The following DENND2B variants were observed in gnomAD, a reference collection of about 807,000 sequenced individuals.
DENND2B encodes the protein DENN domain-containing protein 2B.
DENND2B carries 32 observed loss-of-function variants against 116.0 expected under a neutral mutation model. That is an observed-to-expected ratio of 0.28 (90% CI 0.21 to 0.37). The LOEUF is 0.37. Ranked by LOEUF, DENND2B falls within the 10% of genes least tolerant of loss-of-function variation. The probability of loss-of-function intolerance (pLI) is 1.00; values close to 1 mark genes in which losing one functional copy is unlikely to be tolerated. For synonymous variants in DENND2B, 588 were observed against 583.9 expected (o/e 1.01, Z -0.10); for missense variants, 1,276 against 1,477.7 (o/e 0.86, Z 2.24).
chr11:8,844,509 G>A (rs1482445450), intron 3 of DENND2B, among the ~76,000 whole-genome samples: 1 of 151,976 alleles, frequency 6.6e-6, no homozygotes, highest in African/African-American at 2.4e-5. Flanking sequence ...ATGCCATAGT[G>A]GATCATCTAT....
intron 4 of DENND2B, among the ~76,000 whole-genome samples, chr11:8,823,083 C>T (rs1191861004): frequency 7.1e-6 from 1 of 140,968 alleles, no homozygotes; most frequent in African/African-American, 2.6e-5. Flanking sequence ...AGTAAGTGAT[C>T]CATAAATAAC....
At chr11:8,743,352 C>T (rs1013977825) in intron 2 of DENND2B, among the ~76,000 whole-genome samples, 1 of 152,012 alleles carries the variant, frequency 6.6e-6, no homozygotes, top group Non-Finnish European at 1.5e-5. Flanking sequence ...GAGTTTGAGA[C>T]CAGCCTGGTC....
Position 8,712,128 on chromosome 11 carries a change from T to C in DENND2B, c.2172+423A>G. 2.6e-6 allele frequency: 1 copy of C among 391,266 alleles called. No homozygotes were observed. The highest frequency in any genetic ancestry group is 2.8e-5 in the Admixed American group (1 of 35,576). The allele number at this position is 391,266 out of a possible 1,614,324, so 24.2% of individuals were successfully genotyped here. A position where few individuals can be genotyped will look rare whatever the true frequency, so the allele number is the denominator to read the frequency against. On this transcript the variant is annotated intron_variant, in intron 9 of 19. Transcript: ENST00000313726. The surrounding 1 kb of genome is among the most constrained non-coding windows in gnomAD (Gnocchi z 4.4). Reference sequence around the variant, plus strand: ...CTGGCGACAAGCAGGGAAGGCGGAGTGAGAGACAGGCTGGTGGGAGAAGTG... The same window carrying C: ...CTGGCGACAAGCAGGGAAGGCGGAGCGAGAGACAGGCTGGTGGGAGAAGTG...
rs147258853 is a variant in DENND2B at position 8,816,424 on chromosome 11, G to A, written c.-114-5089C>T. 2.7e-3 allele frequency among the ~76,000 whole-genome samples: 412 copies of A among 152,186 alleles called. 6 individuals carry two copies. The highest frequency in any genetic ancestry group is 9.6e-3 in the African/African-American group (397 of 41,502). The stretch of plus-strand genomic sequence containing the variant: ...AAATTGGCTGGGCATAGTGGCACAC[G>A]CTTGTGGTCTCAGTTACTTGGGAGG... On this transcript the variant is annotated intron_variant, in intron 4 of 6. Transcript: ENST00000524757.
chr11:8,816,253 A>G (rs906341854), intron 4 of DENND2B, among the ~76,000 whole-genome samples: 3 of 152,126 alleles, frequency 2.0e-5, no homozygotes, highest in Non-Finnish European at 4.4e-5. Context: ...TACCAAATTA[A>G]TGGGTGATCA....
At chr11:8,772,660 G>A (rs148556502) in intron 1 of DENND2B, among the ~76,000 whole-genome samples, 130 of 152,154 alleles carry the variant, frequency 8.5e-4, no homozygotes, top group African/African-American at 3.0e-3. Context: ...ATTAGATATG[G>A]GATGGTGCAA....
At chr11:8,697,685 T>A in intron 16 of DENND2B, 49 bp from the exon 17 acceptor site, 19 of 1,248,530 alleles carry the variant, frequency 1.5e-5, no homozygotes, top group Non-Finnish European at 2.1e-5. Context: ...CACTGAGCAC[T>A]TACTATGTGC....
chr11:8,706,375 A>G (rs1165659614), intron 13 of DENND2B, among the ~76,000 whole-genome samples: 1 of 151,822 alleles, frequency 6.6e-6, no homozygotes, highest in Non-Finnish European at 1.5e-5. Context: ...CTTGCCTGCC[A>G]ACCCACCCCT....
chr11:8,798,715 C>G (rs913046268), intron 1 of DENND2B, among the ~76,000 whole-genome samples: 4 of 152,078 alleles, frequency 2.6e-5, no homozygotes, highest in Admixed American at 6.6e-5. Flanking sequence ...AAAAACCCAC[C>G]TGGGTTTACC....
At chr11:8,871,766 G>T (rs149315852), upstream of DENND2B, among the ~76,000 whole-genome samples, 757 of 152,240 alleles carry the variant, frequency 5.0e-3, 1 homozygote, top group Non-Finnish European at 8.8e-3. Flanking sequence ...AACTAGAAAA[G>T]GGTGCCATTT....
At chr11:8,853,395 G>A (rs181107484) in intron 3 of DENND2B, among the ~76,000 whole-genome samples, 6 of 152,174 alleles carry the variant, frequency 3.9e-5, no homozygotes, top group Admixed American at 6.6e-5. Flanking sequence ...AAAGAAAGAC[G>A]CTTGAGGGAG....
chr11:8,716,608 A>G (rs1206952514), intron 5 of DENND2B, among the ~76,000 whole-genome samples: 4 of 151,642 alleles, frequency 2.6e-5, no homozygotes, highest in Non-Finnish European at 5.9e-5. Flanking sequence ...ATGCAAACTC[A>G]GGGGAAGCCT....
At chr11:8,804,017 G>A (rs141224220) in intron 1 of DENND2B, among the ~76,000 whole-genome samples, 10 of 152,342 alleles carry the variant, frequency 6.6e-5, no homozygotes, top group East Asian at 1.9e-4. Flanking sequence ...AGGGGCAGGC[G>A]AGAAGCAGTT....
rs537132400 is a variant in DENND2B at position 8,862,720 on chromosome 11, C to A, written c.-249-5284G>T. Among the ~76,000 whole-genome samples, 682 of 152,278 alleles carry A rather than the reference C, an allele frequency of 4.5e-3. 3 individuals are homozygous for A. Among genetic ancestry groups the A allele is most frequent in the Non-Finnish European group, 8.4e-3 (570 of 68,016 alleles). ...TGTCCTACCCACCCATGCTCCCACA[C>A]GCCTAGCCTGGGTGATAAGCCGCAG... On this transcript the variant is annotated intron_variant, in intron 2 of 6. Coordinates refer to the DENND2B transcript ENST00000524757.
At position 8,695,004 on chromosome 11, in the gene DENND2B, G is replaced by A. The variant is rs1592266391; in HGVS notation, c.3379+459C>T. ...GTGAGGCCAGAAGTTTGAGGCTGCG[G>A]TGAGCTAGGATTGCACCACTGCACT... is the stretch of plus-strand genomic sequence containing the variant. On this transcript the variant is annotated intron_variant, in intron 19 of 19. Transcript: ENST00000313726. Among the ~76,000 whole-genome samples the A allele has an allele frequency of 3.3e-5, 5 of 152,286 alleles. No homozygotes were observed. The South Asian group carries it at 1.0e-3, about 32-fold the overall frequency.
intron 3 of DENND2B, among the ~76,000 whole-genome samples, chr11:8,847,319 C>T (rs1223274146): frequency 6.6e-6 from 1 of 152,124 alleles, no homozygotes; most frequent in Non-Finnish European, 1.5e-5. Context: ...AAAGTCACTT[C>T]CTAAAATGGG....
At chr11:8,879,297 G>A (rs777966410) in intron 2 of DENND2B, among the ~76,000 whole-genome samples, 4 of 152,182 alleles carry the variant, frequency 2.6e-5, no homozygotes, top group African/African-American at 7.2e-5. Context: ...GTAGCGGACC[G>A]GATCCCTGAA....
intron 4 of DENND2B, among the ~76,000 whole-genome samples, chr11:8,827,258 G>T (rs1054118897): frequency 1.3e-5 from 2 of 152,244 alleles, no homozygotes; most frequent in Non-Finnish European, 2.9e-5. Context: ...GAGGAAGGCA[G>T]AGTGAAAAGA....
intron 1 of DENND2B, among the ~76,000 whole-genome samples, chr11:8,890,002 G>A (rs1037741513): frequency 2.2e-4 from 34 of 152,236 alleles, no homozygotes; most frequent in African/African-American, 7.2e-4. Context: ...CAGTAGGGGC[G>A]GACTGACACC....
Sources: gnomAD v4.1 joint callset for allele counts (sites outside exome capture counted in the v4.1 genomes callset) on GRCh38, gnomAD v4.1.1 for gene constraint, Gnocchi (gnomAD v3.1) non-coding constraint, MANE v1.5 for transcripts, NCBI Gene and HGNC (gene_info 2026-07-23, HGNC 2026-07-21) for gene names.